The following PCDHA2 variants were observed in gnomAD, a reference collection of about 807,000 sequenced individuals.
The protein encoded by PCDHA2 is protocadherin alpha 2.
In PCDHA2, 58 loss-of-function variants were observed where a neutral mutation model predicts 66.0. The ratio of observed to expected loss-of-function variants is 0.88; its 90% CI spans 0.71 to 1.09. The LOEUF (loss-of-function observed/expected upper bound fraction) is 1.09. Ranked by LOEUF, PCDHA2 falls within the 50% of genes least tolerant of loss-of-function variation. The probability of loss-of-function intolerance (pLI) is 0.00; values close to 1 mark genes in which losing one functional copy is unlikely to be tolerated. For missense variants in PCDHA2, 1,267 were observed against 1,242.3 expected, an observed-to-expected ratio of 1.02 and a Z score of -0.30; for synonymous variants, 634 against 554.0, an observed-to-expected ratio of 1.14 and a Z score of -2.03.
intron 1 of PCDHA2, among the ~76,000 whole-genome samples, chr5:140,806,395 G>A (rs1763725302): frequency 6.6e-6 from 1 of 152,188 alleles, no homozygotes; most frequent in Non-Finnish European, 1.5e-5. Flanking sequence ...TCTCATGGGA[G>A]CAAATGAGTT....
intron 1 of PCDHA2, among the ~76,000 whole-genome samples, chr5:140,827,144 T>C (rs1554130721): frequency 6.6e-6 from 1 of 152,204 alleles, no homozygotes; most frequent in African/African-American, 2.4e-5. Flanking sequence ...AAAGAAGGGA[T>C]GCAGATATGG....
intron 1 of PCDHA2, among the ~76,000 whole-genome samples, chr5:140,889,628 TTTTC>T (rs2062304515): frequency 6.6e-6 from 1 of 152,186 alleles, no homozygotes; most frequent in African/African-American, 2.4e-5. Flanking sequence ...ATTTCTCTTC[TTTTC>T]ATTTGTGTTT....
chr5:140,884,304 C>T (rs1562802468), intron 1 of PCDHA2: 1 of 1,613,710 alleles, frequency 6.2e-7, no homozygotes, highest in East Asian at 2.2e-5. Context: ...CCACAGGCTT[C>T]GTCGAGGGCG....
chr5:140,868,731 G>A (rs1002022928), intron 1 of PCDHA2: 2 of 192,996 alleles, frequency 1.0e-5, no homozygotes, highest in South Asian at 1.2e-4. Context: ...GATGTTAATC[G>A]AGAAATACAA....
intron 1 of PCDHA2, chr5:140,842,466 A>G (rs1451214851): frequency 6.2e-7 from 1 of 1,613,794 alleles, no homozygotes; most frequent in Non-Finnish European, 8.5e-7. Context: ...TCAGGTGCCA[A>G]CGGGCAGGTG....
At chr5:141,002,595 C>T (rs2098087240) in intron 3 of PCDHA2, among the ~76,000 whole-genome samples, 2 of 152,192 alleles carry the variant, frequency 1.3e-5, no homozygotes, top group Admixed American at 1.3e-4. Context: ...TTAGTCCCCT[C>T]ATCTATAAAA....
At position 140,829,190 on chromosome 5, in the gene PCDHA2, A is replaced by G. The variant is rs1364701507; in HGVS notation, c.2388+31838A>G. The G allele has an allele frequency of 4.3e-6, 7 of 1,614,074 alleles. No homozygotes were observed. The Admixed American group carries it at 1.0e-4, about 23-fold the overall frequency. On this transcript the variant is annotated intron_variant, in intron 1 of 3. Coordinates refer to ENST00000526136, the MANE Select transcript of PCDHA2 (RefSeq NM_018905.3). ...TGTACGTGAAGACGCTCAATTTGGT[A>G]CTGTCATCGCCCTAATTAGCGTGAA... is the stretch of plus-strand genomic sequence containing the variant.
Position 140,927,496 on chromosome 5 carries a change from G to C in PCDHA2, c.2389-51453G>C, listed in dbSNP as rs1206944698. On this transcript the variant is annotated intron_variant, in intron 1 of 3. Transcript: ENST00000526136. ...CGAACAGCGCGCCACCCACCTGCTG[G>C]TGCTTACAGCTCGGGACGGCGGGCT... The C allele has an allele frequency of 3.7e-6, 6 of 1,614,026 alleles. No homozygotes were observed. The highest frequency in any genetic ancestry group is 5.1e-6 in the Non-Finnish European group (6 of 1,180,054).
chr5:140,801,320 T>G lies in PCDHA2; in HGVS notation c.2388+3968T>G, dbSNP rs200755369. 4.3e-6 allele frequency: 7 copies of G among 1,613,216 alleles called. No homozygotes were observed. In the African/African-American group the frequency reaches 9.3e-5, roughly 22 times the overall value. On this transcript the variant is annotated intron_variant, in intron 1 of 3. Transcript: ENST00000526136. ...ACTCCGTCTCTGAGGAGGCCAAGCA[T>G]GGCACCTTCGTGGGCCGCATCGCGC...
At chr5:140,848,661 C>G in intron 1 of PCDHA2, 1 of 1,592,380 alleles carries the variant, frequency 6.3e-7, no homozygotes, top group African/African-American at 1.3e-5. Context: ...GGGGCTGGAG[C>G]TGGCGGAGCT....
intron 1 of PCDHA2, among the ~76,000 whole-genome samples, chr5:140,881,688 T>C (rs2153380887): frequency 6.6e-6 from 1 of 152,368 alleles, no homozygotes; most frequent in Middle Eastern, 3.4e-3. Flanking sequence ...TATGTTTCCT[T>C]TTGGAGTCAA....
At chr5:140,884,022 T>G (rs2059946002) in intron 1 of PCDHA2, 1 of 1,613,028 alleles carries the variant, frequency 6.2e-7, no homozygotes, top group Non-Finnish European at 8.5e-7. Context: ...CCGCGGTCGG[T>G]GGGTGCAGGC....
Position 141,007,689 on chromosome 5 carries a change from A to G in PCDHA2, c.2537-1938A>G, listed in dbSNP as rs545850175. Among the ~76,000 whole-genome samples the G allele has an allele frequency of 3.5e-4, 53 of 152,196 alleles. 1 individual carries two copies. Among genetic ancestry groups the G allele is most frequent in the African/African-American group, 1.3e-3 (52 of 41,536 alleles). On this transcript the variant is annotated intron_variant, in intron 3 of 3. Coordinates refer to ENST00000526136, the MANE Select transcript of PCDHA2 (RefSeq NM_018905.3). ...CAAAGACAAAAGTTATCCTACTTCC[A>G]CCTCCCTCCTCTGCCTCCCACCACC...
rs114871325 is a variant in PCDHA2, at chr5:140,841,052, T to C, written c.2388+43700T>C. 3.2e-3 allele frequency: 1,400 copies of C among 431,624 alleles called. 26 individuals carry two copies. The highest frequency in any genetic ancestry group is 0.026 in the African/African-American group (1,290 of 50,274). 26.7% of individuals were successfully genotyped at this position (431,624 alleles called of 1,614,324 possible). ...AATTGATAAAGTTAAGGATTTACTA[T>C]TAAATTATGATAAAGAAATAGAAAG... On this transcript the variant is annotated intron_variant, in intron 1 of 3. Transcript: ENST00000526136.
intron 1 of PCDHA2, among the ~76,000 whole-genome samples, chr5:140,921,435 A>G (rs997660613): frequency 6.6e-6 from 1 of 152,120 alleles, no homozygotes. Context: ...ATTTTCTTCA[A>G]TGGTGTCTGA....
In PCDHA2 at chr5:140,876,565, G is replaced by C. The variant is rs371696514; in HGVS notation, c.2388+79213G>C. 63 of 1,614,064 alleles carry C rather than the reference G, an allele frequency of 3.9e-5. No homozygotes were observed. In the Middle Eastern group the frequency reaches 4.9e-4, roughly 13 times the overall value. On this transcript the variant is annotated intron_variant, in intron 1 of 3. Transcript: ENST00000526136. ...GCTCCCTGTGCAAGAGGATGCTCAG[G>C]TGGGTACCGTCATTGCCCTGATTAG...
intron 1 of PCDHA2, chr5:140,856,704 C>CAGT (rs2150363917): frequency 6.3e-7 from 1 of 1,596,654 alleles, no homozygotes; most frequent in East Asian, 2.2e-5. Flanking sequence ...GGAGGCAAAC[C>CAGT]TGAATTTACC....
At chr5:140,860,361 A>G (rs2046358077) in intron 1 of PCDHA2, 2 of 152,182 alleles carry the variant, frequency 1.3e-5, no homozygotes, top group African/African-American at 4.8e-5. Flanking sequence ...AGCCTGGATG[A>G]CAAAGTGAGA....
intron 3 of PCDHA2, among the ~76,000 whole-genome samples, chr5:140,997,957 C>T (rs1051643572): frequency 6.6e-5 from 10 of 152,156 alleles, no homozygotes; most frequent in East Asian, 1.9e-4. Context: ...TTGGCATTCA[C>T]GTACCTGTGG....
Sources: gnomAD v4.1 joint callset for allele counts (sites outside exome capture counted in the v4.1 genomes callset) on GRCh38, gnomAD v4.1.1 for gene constraint, MANE v1.5 for transcripts, NCBI Gene and HGNC (gene_info 2026-07-23, HGNC 2026-07-21) for gene names.